Variants in GNG12 observed in about 807,000 individuals in gnomAD.
GNG12 encodes the protein G protein subunit gamma 12.
For synonymous variants in GNG12, 28 were observed against 29.7 expected (o/e 0.94, Z 0.19); for missense variants, 69 against 83.8 (o/e 0.82, Z 0.69).
intron 1 of GNG12, among the ~76,000 whole-genome samples, chr1:67,790,532 C>G (rs1646795783): frequency 1.3e-5 from 2 of 152,150 alleles, no homozygotes; most frequent in South Asian, 4.1e-4. Context: ...CTCAGATCCC[C>G]TGTTGGTGAT....
chr1:67,818,542 C>A (rs1333647113), intron 1 of GNG12, among the ~76,000 whole-genome samples: 1 of 144,468 alleles, frequency 6.9e-6, no homozygotes, highest in African/African-American at 2.5e-5. Flanking sequence ...TCAGATTCAA[C>A]AGATGTAAAA....
At chr1:67,764,644 C>G (rs187114010) in intron 2 of GNG12, among the ~76,000 whole-genome samples, 37 of 152,258 alleles carry the variant, frequency 2.4e-4, no homozygotes, top group African/African-American at 7.9e-4. Flanking sequence ...GGAAAGGGAA[C>G]AGATGTCCAA....
At chr1:67,716,481 T>C (rs1325558495) in intron 2 of GNG12, among the ~76,000 whole-genome samples, 1 of 152,214 alleles carries the variant, frequency 6.6e-6, no homozygotes, top group Non-Finnish European at 1.5e-5. Context: ...TTTAAGTCTG[T>C]CAACAACTCT....
intron 2 of GNG12, among the ~76,000 whole-genome samples, chr1:67,723,044 A>G (rs1392996612): frequency 1.3e-5 from 2 of 152,340 alleles, no homozygotes; most frequent in East Asian, 1.9e-4. Context: ...GTGTTCATCT[A>G]TCTATCAAAC....
chr1:67,779,245 A>C (rs1557614564), intron 1 of GNG12, among the ~76,000 whole-genome samples: 1 of 152,220 alleles, frequency 6.6e-6, no homozygotes, highest in Non-Finnish European at 1.5e-5. Flanking sequence ...AGGCCGCAAA[A>C]GAATCACACT....
At chr1:67,801,518 G>A (rs1279894695) in intron 1 of GNG12, among the ~76,000 whole-genome samples, 1 of 152,206 alleles carries the variant, frequency 6.6e-6, no homozygotes, top group Non-Finnish European at 1.5e-5. Context: ...TGTTGGTGCA[G>A]TTAGTCTATG....
chr1:67,754,296 C>T (rs1646555375), intron 2 of GNG12, among the ~76,000 whole-genome samples: 1 of 152,098 alleles, frequency 6.6e-6, no homozygotes, highest in Admixed American at 6.5e-5. Context: ...CTGAACTCAT[C>T]ATTCCTGTCC....
intron 3 of GNG12, among the ~76,000 whole-genome samples, chr1:67,707,295 T>C (rs887767639): frequency 3.3e-5 from 5 of 152,242 alleles, no homozygotes; most frequent in Non-Finnish European, 5.9e-5. Flanking sequence ...TTGGAACCCC[T>C]GTCCCACTTT....
At chr1:67,789,906 T>A (rs1646791902) in intron 1 of GNG12, among the ~76,000 whole-genome samples, 1 of 152,134 alleles carries the variant, frequency 6.6e-6, no homozygotes, top group Admixed American at 6.6e-5. Context: ...CTATAAAGTA[T>A]CCCATGCTAG....
chr1:67,768,907 A>T (rs1305737759), intron 2 of GNG12, among the ~76,000 whole-genome samples: 1 of 152,226 alleles, frequency 6.6e-6, no homozygotes, highest in Non-Finnish European at 1.5e-5. Context: ...CCAAGAGAAT[A>T]TAGATGAACA....
intron 1 of GNG12, among the ~76,000 whole-genome samples, chr1:67,803,624 G>A (rs918946791): frequency 2.0e-5 from 3 of 152,144 alleles, no homozygotes; most frequent in African/African-American, 4.8e-5. Context: ...AGTGCTTTGC[G>A]AGCATTATTT....
rs1294306968 is a variant in GNG12, at chr1:67,702,741, G to C, written c.*2710C>G. On this transcript the variant is annotated 3_prime_UTR_variant, in exon 4 of 4. Coordinates refer to ENST00000370982, the MANE Select transcript of GNG12 (RefSeq NM_018841.6). ...ATGCCGTGGTCCTGAGGCCTCAACT[G>C]GACAGATTTATGATGAACTAATGAA... 1 of 151,878 alleles carries C rather than the reference G, an allele frequency of 6.6e-6. No individual in the cohort carries two copies. Among genetic ancestry groups the C allele is most frequent in the African/African-American group, 2.4e-5 (1 of 41,314 alleles). The allele number at this position is 151,878 out of a possible 1,614,324, so 9.4% of individuals were successfully genotyped here.
At position 67,707,541 on chromosome 1, in the gene GNG12, G is replaced by C. The variant is rs1646256713; in HGVS notation, c.93+53C>G. The C allele has an allele frequency of 4.2e-6, 4 of 941,394 alleles. No homozygotes were observed. In the South Asian group the frequency reaches 5.7e-5, roughly 13 times the overall value. 58.3% of individuals were successfully genotyped at this position (941,394 alleles called of 1,614,324 possible). On this transcript the variant is annotated intron_variant, in intron 3 of 3. Transcript: ENST00000370982. ...TCTCTGACAAGTGGTCCAGCCACAA[G>C]GAACAGGGGGAACTGAGCAGAAAGC...
At chr1:67,823,005 G>T (rs1450273691) in intron 1 of GNG12, among the ~76,000 whole-genome samples, 1 of 152,162 alleles carries the variant, frequency 6.6e-6, no homozygotes. Flanking sequence ...GCTCTGGTTT[G>T]ACTTCTTACA....
chr1:67,745,146 G>GT (rs1380025418), intron 2 of GNG12, among the ~76,000 whole-genome samples: 1 of 152,218 alleles, frequency 6.6e-6, no homozygotes, highest in Non-Finnish European at 1.5e-5. Context: ...AAATAAAAAT[G>GT]TAAAACTTTC....
At chr1:67,710,694 A>G (rs1218745077) in intron 2 of GNG12, among the ~76,000 whole-genome samples, 1 of 152,178 alleles carries the variant, frequency 6.6e-6, no homozygotes, top group East Asian at 1.9e-4. Context: ...CCAGCAATTC[A>G]TGATTCACAC....
chr1:67,772,616 A>C (rs1192552799), intron 2 of GNG12: 1 of 152,184 alleles, frequency 6.6e-6, no homozygotes, highest in Non-Finnish European at 1.5e-5. Flanking sequence ...TGAAAAGAGG[A>C]AACCTGCTAG....
intron 1 of GNG12, among the ~76,000 whole-genome samples, chr1:67,821,122 T>C (rs755200577): frequency 6.6e-6 from 1 of 152,192 alleles, no homozygotes. Flanking sequence ...TGATTCTTCA[T>C]GGTAGGCAGA....
chr1:67,817,046 C>T (rs1646957310), intron 1 of GNG12, among the ~76,000 whole-genome samples: 1 of 152,176 alleles, frequency 6.6e-6, no homozygotes, highest in African/African-American at 2.4e-5. Flanking sequence ...GCATGGGACA[C>T]TGCCTATCAC....
Sources: gnomAD v4.1 joint callset for allele counts (sites outside exome capture counted in the v4.1 genomes callset) on GRCh38, gnomAD v4.1.1 for gene constraint, MANE v1.5 for transcripts, NCBI Gene and HGNC (gene_info 2026-07-23, HGNC 2026-07-21) for gene names.